RBFOX1: variants seen among roughly 807,000 people sequenced by gnomAD.
RBFOX1 encodes RNA binding fox-1 homolog 1, also known as RNA binding protein fox-1 homolog 1.
RBFOX1 carries 8 observed loss-of-function variants against 57.7 expected under a neutral mutation model. The ratio of observed to expected loss-of-function variants is 0.14; its 90% CI spans 0.08 to 0.25. The LOEUF (loss-of-function observed/expected upper bound fraction) is 0.25, where lower values mean the gene tolerates loss of function less well. RBFOX1 is among the 10% of genes least tolerant of loss of function. The pLI, the probability that RBFOX1 is intolerant of heterozygous loss-of-function variation, is 1.00. For synonymous variants in RBFOX1, 326 were observed against 222.4 expected (o/e 1.47, Z -4.15); for missense variants, 611 against 548.5 (o/e 1.11, Z -1.14).
At chr16:7,217,473 A>G (rs1347193130) in intron 4 of RBFOX1, among the ~76,000 whole-genome samples, 1 of 151,652 alleles carries the variant, frequency 6.6e-6, no homozygotes, top group Non-Finnish European at 1.5e-5. Flanking sequence ...ACCAGTGAAT[A>G]TTTGGAAGCT....
intron 3 of RBFOX1, among the ~76,000 whole-genome samples, chr16:6,949,410 G>T (rs1568032319): frequency 6.6e-6 from 1 of 152,146 alleles, no homozygotes; most frequent in South Asian, 2.1e-4. Context: ...CTGGCTAGGG[G>T]CACCATAACA....
intron 4 of RBFOX1, among the ~76,000 whole-genome samples, chr16:7,331,298 A>G (rs17739067): frequency 0.059 from 8,948 of 152,286 alleles, 326 homozygotes; most frequent in Middle Eastern, 0.11. Context: ...ATCTATATCA[A>G]GTGTCCTGTT....
At chr16:7,226,488 G>A (rs535618261) in intron 4 of RBFOX1, among the ~76,000 whole-genome samples, 1 of 152,180 alleles carries the variant, frequency 6.6e-6, no homozygotes, top group Admixed American at 6.5e-5. Flanking sequence ...ACTTGATGCT[G>A]TGTACATTCT....
rs1051116283 is a variant in RBFOX1, at chr16:5,780,823, A to T, written c.319-86480A>T. Among the ~76,000 whole-genome samples the T allele has an allele frequency of 3.9e-5, 6 of 152,196 alleles. No homozygotes were observed. In the South Asian group the frequency reaches 6.2e-4, roughly 16 times the overall value. ...TTACTCACTTAACCTTGAGCAAGACACTTCTTTGCTTTCTCCTCTTGAAAA... is the reference window on the plus strand; with the variant it reads ...TTACTCACTTAACCTTGAGCAAGACTCTTCTTTGCTTTCTCCTCTTGAAAA... On this transcript the variant is annotated intron_variant, in intron 3 of 19. Coordinates refer to the RBFOX1 transcript ENST00000641259.
rs568745785 is a variant in RBFOX1, at chr16:7,450,679, T to C, written c.28-67468T>C. 1.0e-3 allele frequency among the ~76,000 whole-genome samples: 153 copies of C among 151,858 alleles called. 1 individual carries two copies. The highest frequency in any genetic ancestry group is 3.4e-3 in the Middle Eastern group (1 of 294). ...GCCTGATTTAAAGTGAAAAGAAGGG[T>C]GTTGGCATCTATTAATCACCTACTG... On this transcript the variant is annotated intron_variant, in intron 4 of 15. Coordinates refer to ENST00000550418, the MANE Select transcript of RBFOX1 (RefSeq NM_018723.4).
chr16:6,820,592 G>C (rs1299987252), intron 3 of RBFOX1, among the ~76,000 whole-genome samples: 1 of 152,120 alleles, frequency 6.6e-6, no homozygotes, highest in Admixed American at 6.5e-5. Flanking sequence ...CCGGGAGTTA[G>C]AGGCTGCTGC....
chr16:5,936,693 T>C (rs555794254), intron 4 of RBFOX1, among the ~76,000 whole-genome samples: 1 of 152,314 alleles, frequency 6.6e-6, no homozygotes, highest in Admixed American at 6.5e-5. Flanking sequence ...CCACCCAACT[T>C]CCTACCTCAC....
chr16:6,071,569 A>T lies in RBFOX1; in HGVS notation c.-127+51577A>T, dbSNP rs574372210. ...AATGCTTCATTTGGTAAATCAACCA[A>T]GATAGCTGCAAATTAGTCTAGAGTG... On this transcript the variant is annotated intron_variant, in intron 1 of 15. Transcript: ENST00000550418. Among the ~76,000 whole-genome samples the T allele has an allele frequency of 3.3e-5, 5 of 152,358 alleles. No individual in the cohort carries two copies. The East Asian group carries it at 9.6e-4, about 29-fold the overall frequency.
chr16:6,716,410 G>A (rs76163272), intron 3 of RBFOX1, among the ~76,000 whole-genome samples: 4,370 of 152,130 alleles, frequency 0.029, 203 homozygotes, highest in African/African-American at 0.099. Flanking sequence ...ATTTCAAAGC[G>A]GTGGAATTTT....
chr16:6,676,806 G>A (rs1468637303), intron 3 of RBFOX1, among the ~76,000 whole-genome samples: 1 of 151,036 alleles, frequency 6.6e-6, no homozygotes, highest in Admixed American at 6.6e-5. Context: ...CTCCCTAGTA[G>A]CTGGGATTAC....
At chr16:5,607,881 C>T (rs1435224572) in intron 3 of RBFOX1, among the ~76,000 whole-genome samples, 1 of 152,172 alleles carries the variant, frequency 6.6e-6, no homozygotes, top group Non-Finnish European at 1.5e-5. Flanking sequence ...TTTTTAATGG[C>T]TGGACAGGAT....
chr16:7,188,171 A>G (rs936622270), intron 4 of RBFOX1, among the ~76,000 whole-genome samples: 1 of 152,212 alleles, frequency 6.6e-6, no homozygotes, highest in Non-Finnish European at 1.5e-5. Flanking sequence ...TGGAAAGAAA[A>G]CCAGAGGTAT....
intron 1 of RBFOX1, among the ~76,000 whole-genome samples, chr16:6,049,955 C>CA (rs1567333986): frequency 8.0e-6 from 1 of 125,138 alleles, no homozygotes; most frequent in Non-Finnish European, 1.8e-5. Context: ...AAGCTTAAAA[C>CA]GTTTTTTTTT....
chr16:7,313,474 T>A (rs2096367557), intron 4 of RBFOX1, among the ~76,000 whole-genome samples: 1 of 53,410 alleles, frequency 1.9e-5, no homozygotes, highest in Non-Finnish European at 3.7e-5. Flanking sequence ...TCTTTTCTTG[T>A]CTTTTTTTTT....
intron 4 of RBFOX1, among the ~76,000 whole-genome samples, chr16:7,182,429 G>A (rs1000707144): frequency 2.0e-5 from 3 of 152,200 alleles, no homozygotes; most frequent in South Asian, 2.1e-4. Flanking sequence ...TTCTTGGCTC[G>A]AAAGTTCTTA....
chr16:6,841,461 C>CAA (rs2093458550), intron 3 of RBFOX1, among the ~76,000 whole-genome samples: 1 of 152,140 alleles, frequency 6.6e-6, no homozygotes, highest in Non-Finnish European at 1.5e-5. Flanking sequence ...ATAAAACCCT[C>CAA]ATGCAACCTG....
At chr16:7,193,393 A>G (rs1449153175) in intron 4 of RBFOX1, among the ~76,000 whole-genome samples, 7 of 152,248 alleles carry the variant, frequency 4.6e-5, no homozygotes, top group Non-Finnish European at 1.0e-4. Context: ...TTGTAGCTGG[A>G]TGAGACCTGC....
At chr16:7,653,377 C>G (rs1396057812) in intron 11 of RBFOX1, among the ~76,000 whole-genome samples, 2 of 152,092 alleles carry the variant, frequency 1.3e-5, no homozygotes, top group African/African-American at 4.8e-5. Context: ...TAGCACACTT[C>G]TATCTATGGT....
chr16:7,453,110 C>G (rs1042765468), intron 4 of RBFOX1, among the ~76,000 whole-genome samples: 4 of 129,042 alleles, frequency 3.1e-5, no homozygotes, highest in Non-Finnish European at 6.3e-5. Context: ...GGCTGGATGA[C>G]AGAGAGAGGC....
Sources: allele counts gnomAD v4.1 joint callset (sites outside exome capture counted in the v4.1 genomes callset), GRCh38; gene constraint gnomAD v4.1.1; transcripts MANE v1.5; gene names NCBI Gene and HGNC (gene_info 2026-07-23, HGNC 2026-07-21).